The following EXOC4 variants were observed in gnomAD, a reference collection of about 807,000 sequenced individuals.
EXOC4 encodes SEC8-like 1.
A neutral mutation model predicts 107.2 loss-of-function variants in EXOC4; 71 were observed. The ratio of observed to expected loss-of-function variants is 0.66; its 90% CI spans 0.55 to 0.81. The LOEUF is 0.81. EXOC4 is among the 30% of genes least tolerant of loss of function. The pLI is 0.00. For synonymous variants in EXOC4, 456 were observed against 441.2 expected (o/e 1.03, Z -0.42); for missense variants, 1,108 against 1,189.6 (o/e 0.93, Z 1.01).
chr7:133,832,525 T>A (rs538516873), intron 11 of EXOC4, among the ~76,000 whole-genome samples: 3 of 152,356 alleles, frequency 2.0e-5, no homozygotes, highest in African/African-American at 7.2e-5. Flanking sequence ...TTTTACCTTT[T>A]CCAGAATTTG....
chr7:133,833,427 G>A lies in EXOC4; in HGVS notation c.1734+15883G>A, dbSNP rs114713990. ...TAGAGGGAGCTAAACCCGAAGGAGT[G>A]TACCAAATAGTAAATGAAATCTTCC... On this transcript the variant is annotated intron_variant, in intron 11 of 17. Coordinates refer to ENST00000253861, the MANE Select transcript of EXOC4 (RefSeq NM_021807.4). Among the ~76,000 whole-genome samples, 364 of 152,354 alleles carry A rather than the reference G, an allele frequency of 2.4e-3. 5 individuals are homozygous for A. Among genetic ancestry groups the A allele is most frequent in the African/African-American group, 8.2e-3 (340 of 41,580 alleles).
chr7:133,368,949 T>C (rs1428788555), intron 6 of EXOC4, among the ~76,000 whole-genome samples: 1 of 152,218 alleles, frequency 6.6e-6, no homozygotes, highest in East Asian at 1.9e-4. Context: ...AGATCAGTGG[T>C]GAAAACCTTT....
At chr7:133,640,009 T>A (rs945058641) in intron 10 of EXOC4, among the ~76,000 whole-genome samples, 2 of 152,172 alleles carry the variant, frequency 1.3e-5, no homozygotes, top group African/African-American at 4.8e-5. Context: ...AAAAATCTTT[T>A]AAAATTTTTA....
chr7:133,341,413 AT>A (rs1486386592), intron 5 of EXOC4, among the ~76,000 whole-genome samples: 7 of 151,862 alleles, frequency 4.6e-5, no homozygotes, highest in Non-Finnish European at 5.9e-5. Context: ...TATAATTTCG[AT>A]TTTCTTAAAC....
chr7:133,559,206 C>T (rs1800761310), intron 9 of EXOC4, among the ~76,000 whole-genome samples: 1 of 152,006 alleles, frequency 6.6e-6, no homozygotes, highest in South Asian at 2.1e-4. Context: ...CATTTTCTCC[C>T]AGTTTGTTGC....
At chr7:133,610,986 AT>A (rs35833319) in intron 9 of EXOC4, among the ~76,000 whole-genome samples, 109,109 of 116,826 alleles carry the variant, frequency 0.93, 50,996 homozygotes, top group South Asian at 0.97. Context: ...TGTTTTCTCT[AT>A]TTTTTTTTTT....
chr7:133,393,200 A>G (rs1796891998), intron 7 of EXOC4, among the ~76,000 whole-genome samples: 1 of 151,884 alleles, frequency 6.6e-6, no homozygotes, highest in Non-Finnish European at 1.5e-5. Context: ...TGTTTTTACC[A>G]CTCATTTGAC....
intron 11 of EXOC4, 82 bp downstream of exon 11, chr7:133,817,626 T>A (rs1797404031): frequency 3.5e-5 from 35 of 1,005,510 alleles, no homozygotes; most frequent in Non-Finnish European, 4.9e-5. Flanking sequence ...AAAAGAAGAA[T>A]TACCATCTGT....
chr7:133,462,187 A>G (rs1798609284), intron 7 of EXOC4, among the ~76,000 whole-genome samples: 1 of 152,264 alleles, frequency 6.6e-6, no homozygotes, highest in South Asian at 2.1e-4. Flanking sequence ...AATGTCTGGC[A>G]TTGATCTAAA....
At chr7:133,958,980 A>C (rs1486607766) in intron 14 of EXOC4, among the ~76,000 whole-genome samples, 1 of 152,224 alleles carries the variant, frequency 6.6e-6, no homozygotes, top group Non-Finnish European at 1.5e-5. Context: ...AAAGACTAGA[A>C]AGTCTTTTCT....
chr7:133,734,434 CTTT>C (rs67012753), intron 10 of EXOC4, among the ~76,000 whole-genome samples: 1 of 145,718 alleles, frequency 6.9e-6, no homozygotes. Context: ...TAATTCTTCA[CTTT>C]TTTTTTTTTT....
intron 10 of EXOC4, among the ~76,000 whole-genome samples, chr7:133,667,476 T>C (rs1793846626): frequency 6.6e-6 from 1 of 152,224 alleles, no homozygotes; most frequent in Non-Finnish European, 1.5e-5. Flanking sequence ...AGTGGATAGA[T>C]AAATAAGTTA....
chr7:134,096,682 T>A, the EXOC4 span, among the ~76,000 whole-genome samples: 1 of 151,726 alleles, frequency 6.6e-6, no homozygotes, highest in Non-Finnish European at 1.5e-5. Context: ...GAATTTAGAG[T>A]CTGATGTTCA....
At chr7:133,426,096 T>C (rs1325129986) in intron 7 of EXOC4, among the ~76,000 whole-genome samples, 2 of 152,208 alleles carry the variant, frequency 1.3e-5, no homozygotes, top group African/African-American at 4.8e-5. Context: ...CTTCAACTGT[T>C]TTACAGAGTT....
At chr7:134,096,874 G>C in the EXOC4 span, among the ~76,000 whole-genome samples, 1 of 151,776 alleles carries the variant, frequency 6.6e-6, no homozygotes, top group African/African-American at 2.4e-5. Context: ...ATCTCCTTTT[G>C]TAACACCCTC....
chr7:133,289,264 C>T, intron 3 of EXOC4, 148 bp downstream of exon 3: 1 of 604,674 alleles, frequency 1.7e-6, no homozygotes, highest in Non-Finnish European at 2.8e-6. Context: ...CTGGGTATTT[C>T]TCTAATTCCA....
chr7:134,058,348 C>G, intron 17 of EXOC4, among the ~76,000 whole-genome samples: 1 of 152,156 alleles, frequency 6.6e-6, no homozygotes, highest in East Asian at 1.9e-4. Flanking sequence ...AAGAGAAAGT[C>G]TTTACAATGA....
intron 7 of EXOC4, among the ~76,000 whole-genome samples, chr7:133,462,380 A>G (rs571876606): frequency 6.6e-6 from 1 of 152,346 alleles, no homozygotes; most frequent in African/African-American, 2.4e-5. Context: ...ACAGATTTAC[A>G]TCTGATGGGA....
intron 10 of EXOC4, among the ~76,000 whole-genome samples, chr7:133,779,965 G>C (rs1053371059): frequency 2.6e-5 from 4 of 152,130 alleles, no homozygotes; most frequent in African/African-American, 9.7e-5. Context: ...CACCACGAAG[G>C]TTGGCAGCTC....
Sources: allele counts gnomAD v4.1 joint callset (sites outside exome capture counted in the v4.1 genomes callset), GRCh38; gene constraint gnomAD v4.1.1; transcripts MANE v1.5; gene names NCBI Gene and HGNC (gene_info 2026-07-23, HGNC 2026-07-21).